Variants in ITPR2 observed in about 807,000 individuals in gnomAD.
The protein encoded by ITPR2 is inositol 1,4,5-trisphosphate receptor type 2, also known as inositol 1,4,5-trisphosphate-gated calcium channel ITPR2.
A neutral mutation model predicts 317.1 loss-of-function variants in ITPR2; 207 were observed. The observed-to-expected ratio is 0.65, with a 90% CI of 0.58 to 0.73. The LOEUF is 0.73. ITPR2 is among the 30% of genes least tolerant of loss of function. The pLI is 0.00. For synonymous variants in ITPR2, 1,156 were observed against 1,149.1 expected (o/e 1.01, Z -0.12); for missense variants, 2,613 against 3,284.0 (o/e 0.80, Z 4.99).
chr12:26,399,701 G>A (rs1464869421), intron 53 of ITPR2, among the ~76,000 whole-genome samples: 1 of 152,186 alleles, frequency 6.6e-6, no homozygotes, highest in East Asian at 1.9e-4. Flanking sequence ...TTTAATATAT[G>A]AAATCCTGTT....
At chr12:26,716,421 G>T (rs1948741161) in intron 5 of ITPR2, among the ~76,000 whole-genome samples, 179 bp from the exon 6 acceptor site, 1 of 152,014 alleles carries the variant, frequency 6.6e-6, no homozygotes, top group African/African-American at 2.4e-5. Context: ...TCTAATAAAT[G>T]ATCATATAAC....
At chr12:26,601,641 C>A (rs556110292) in intron 28 of ITPR2, among the ~76,000 whole-genome samples, 31 of 152,110 alleles carry the variant, frequency 2.0e-4, no homozygotes, top group African/African-American at 6.3e-4. Context: ...ATATACAAAC[C>A]CATACTGATA....
chr12:26,782,037 T>TATATATATAG (rs1950102369), intron 2 of ITPR2, among the ~76,000 whole-genome samples: 4 of 51,736 alleles, frequency 7.7e-5, no homozygotes, highest in Admixed American at 2.5e-4. Flanking sequence ...TATATATGTA[T>TATATATATAG]AGAGAGAGAG....
At chr12:26,746,213 C>CACACACACACAT (rs1265036316) in intron 2 of ITPR2, among the ~76,000 whole-genome samples, 2 of 151,672 alleles carry the variant, frequency 1.3e-5, no homozygotes, top group Admixed American at 6.6e-5. Flanking sequence ...CACACACACA[C>CACACACACACAT]ATACACACAC....
intron 36 of ITPR2, among the ~76,000 whole-genome samples, chr12:26,554,396 C>A (rs1191168330): frequency 2.0e-5 from 3 of 152,152 alleles, no homozygotes; most frequent in Non-Finnish European, 4.4e-5. Flanking sequence ...CCCTAGTTCT[C>A]GACAAGGAGT....
intron 30 of ITPR2, among the ~76,000 whole-genome samples, chr12:26,598,727 G>C (rs552665369): frequency 7.7e-4 from 117 of 152,210 alleles, no homozygotes; most frequent in African/African-American, 2.6e-3. Flanking sequence ...TCTCTTCAAA[G>C]CTTTCTGCAA....
chr12:26,833,183 C>G lies in ITPR2; in HGVS notation c.-402G>C, dbSNP rs960888615. 3.4e-5 allele frequency: 7 copies of G among 207,860 alleles called. No homozygotes were observed. The highest frequency in any genetic ancestry group is 1.4e-4 in the African/African-American group (6 of 41,842). 12.9% of individuals were successfully genotyped at this position (207,860 alleles called of 1,614,324 possible). A position where few individuals can be genotyped will look rare whatever the true frequency, so the allele number is the denominator to read the frequency against. ...ACCCGCTGCGGCCGTCACAGCCGCC[C>G]GGCGGGAGCTGGAAGTGGCCGAGCC... On this transcript the variant is annotated 5_prime_UTR_variant, in exon 1 of 57. Coordinates refer to ENST00000381340, the MANE Select transcript of ITPR2 (RefSeq NM_002223.4).
At chr12:26,403,551 G>A (rs142026293) in intron 52 of ITPR2, among the ~76,000 whole-genome samples, 212 of 152,246 alleles carry the variant, frequency 1.4e-3, no homozygotes, top group African/African-American at 4.8e-3. Context: ...CCAAAAGTTG[G>A]AGACTGCAGT....
chr12:26,481,353 G>T, intron 42 of ITPR2, 112 bp from the exon 43 acceptor site: 1 of 623,618 alleles, frequency 1.6e-6, no homozygotes, highest in Non-Finnish European at 2.8e-6. Flanking sequence ...TAAAAAATAG[G>T]TAAGATTTAC....
intron 2 of ITPR2, among the ~76,000 whole-genome samples, chr12:26,772,542 T>TATATATATA (rs1491171826): frequency 1.5e-5 from 2 of 134,302 alleles, no homozygotes; most frequent in African/African-American, 5.4e-5. Context: ...ATACATGTAT[T>TATATATATA]ATATATATAA....
intron 2 of ITPR2, among the ~76,000 whole-genome samples, chr12:26,783,935 A>C (rs1950142541): frequency 6.6e-6 from 1 of 152,212 alleles, no homozygotes; most frequent in African/African-American, 2.4e-5. Context: ...AAGGAGACAC[A>C]ATGACTAGAT....
intron 15 of ITPR2, among the ~76,000 whole-genome samples, chr12:26,663,060 TG>T (rs1292690623): frequency 1.3e-5 from 2 of 152,222 alleles, no homozygotes; most frequent in African/African-American, 4.8e-5. Flanking sequence ...CTGGGTTCCC[TG>T]ACCTCAGCAG....
chr12:26,733,412 C>G (rs944021138), intron 2 of ITPR2, among the ~76,000 whole-genome samples: 6 of 151,846 alleles, frequency 4.0e-5, no homozygotes, highest in Admixed American at 2.6e-4. Context: ...CTACCACAGT[C>G]TTGCAACACA....
At chr12:26,375,786 T>A (rs1416829839) in intron 55 of ITPR2, among the ~76,000 whole-genome samples, 1 of 152,206 alleles carries the variant, frequency 6.6e-6, no homozygotes, top group East Asian at 1.9e-4. Flanking sequence ...ACTGAGTATC[T>A]AATATATACC....
intron 37 of ITPR2, among the ~76,000 whole-genome samples, chr12:26,545,626 G>A (rs1444469536): frequency 6.6e-6 from 1 of 152,194 alleles, no homozygotes; most frequent in Non-Finnish European, 1.5e-5. Flanking sequence ...TTTCTGGTCA[G>A]TAGGAAAAAA....
At chr12:26,623,614 T>C (rs771506791) in intron 24 of ITPR2, among the ~76,000 whole-genome samples, 1 of 152,198 alleles carries the variant, frequency 6.6e-6, no homozygotes, top group Non-Finnish European at 1.5e-5. Flanking sequence ...ACTGGGGGTC[T>C]TGGAATGTAA....
At position 26,652,467 on chromosome 12, in the gene ITPR2, G is replaced by A. The variant is rs572703158; in HGVS notation, c.2740+1509C>T. Among the ~76,000 whole-genome samples, 11 of 152,268 alleles carry A rather than the reference G, an allele frequency of 7.2e-5. No homozygotes were observed. In the South Asian group the frequency reaches 2.3e-3, roughly 32 times the overall value. On this transcript the variant is annotated intron_variant, in intron 21 of 56. Transcript: ENST00000381340. ...TCTTTATGTCTGAAATTAGGTTTCT[G>A]GTTTTGCCCTTTTAATACTGTAGTG...
chr12:26,582,095 T>C (rs1191759133), intron 32 of ITPR2, among the ~76,000 whole-genome samples: 1 of 152,222 alleles, frequency 6.6e-6, no homozygotes, highest in Non-Finnish European at 1.5e-5. Context: ...AACCTAGTCC[T>C]CAGTTCATTT....
At chr12:26,651,005 G>A (rs182960637) in intron 21 of ITPR2, among the ~76,000 whole-genome samples, 26 of 152,048 alleles carry the variant, frequency 1.7e-4, no homozygotes, top group Non-Finnish European at 2.8e-4. Context: ...TTCTCCATTT[G>A]CTTTCGTGGT....
Sources: gnomAD v4.1 joint callset for allele counts (sites outside exome capture counted in the v4.1 genomes callset) on GRCh38, gnomAD v4.1.1 for gene constraint, MANE v1.5 for transcripts, NCBI Gene and HGNC (gene_info 2026-07-23, HGNC 2026-07-21) for gene names.